PLRG1: variants seen among roughly 807,000 people sequenced by gnomAD.
PLRG1 encodes the protein pleiotropic regulator 1 (PRL1 homolog, Arabidopsis).
PLRG1 carries 28 observed loss-of-function variants against 74.9 expected under a neutral mutation model. That is an observed-to-expected ratio of 0.37 (90% CI 0.28 to 0.51). The LOEUF (loss-of-function observed/expected upper bound fraction) is 0.51, where lower values mean the gene tolerates loss of function less well. Ranked by LOEUF, PLRG1 falls within the 20% of genes least tolerant of loss-of-function variation. The pLI is 0.91. For missense variants in PLRG1, 445 were observed against 631.9 expected, an observed-to-expected ratio of 0.70 and a Z score of 3.17; for synonymous variants, 197 against 212.4, an observed-to-expected ratio of 0.93 and a Z score of 0.63.
At chr4:154,546,923 A>G in intron 4 of PLRG1, 88 bp downstream of exon 4, 1 of 986,376 alleles carries the variant, frequency 1.0e-6, no homozygotes, top group Non-Finnish European at 1.6e-6. Flanking sequence ...CTTGCATTTT[A>G]TAGGCAACAA....
intron 12 of PLRG1, among the ~76,000 whole-genome samples, chr4:154,538,515 G>C (rs928913228): frequency 1.8e-4 from 28 of 151,816 alleles, no homozygotes; most frequent in South Asian, 1.2e-3. Context: ...GGAGGGAGGA[G>C]AGGCGAAATG....
intron 12 of PLRG1, among the ~76,000 whole-genome samples, chr4:154,538,796 T>C (rs1205592156): frequency 6.6e-6 from 1 of 152,146 alleles, no homozygotes; most frequent in Non-Finnish European, 1.5e-5. Flanking sequence ...CCAAAATCAT[T>C]TATGTCCAAA....
intron 13 of PLRG1, 109 bp from the exon 14 acceptor site, chr4:154,537,588 TA>T (rs555699193): frequency 1.8e-5 from 13 of 704,094 alleles, no homozygotes; most frequent in Non-Finnish European, 3.0e-5. Flanking sequence ...GTTATAAAAA[TA>T]CATAAGACAC....
chr4:154,540,397 A>G (rs1729534068), intron 10 of PLRG1, 197 bp downstream of exon 10: 2 of 596,708 alleles, frequency 3.4e-6, no homozygotes, highest in Admixed American at 6.1e-5. Flanking sequence ...CACTAATAAC[A>G]CTAACATGGT....
chr4:154,536,919 AGATG>A (rs140979685), intron 14 of PLRG1, among the ~76,000 whole-genome samples, 175 bp from the exon 15 acceptor site: 2,130 of 148,824 alleles, frequency 0.014, 46 homozygotes, highest in African/African-American at 0.052. Flanking sequence ...GTCTAATAAC[AGATG>A]GATGGATTCA....
At chr4:154,542,762 T>G (rs1025215734) in intron 7 of PLRG1, among the ~76,000 whole-genome samples, 1 of 152,144 alleles carries the variant, frequency 6.6e-6, no homozygotes, top group Non-Finnish European at 1.5e-5. Context: ...GATACTATGT[T>G]AAGTGAAATA....
intron 11 of PLRG1, 46 bp downstream of exon 11, chr4:154,539,905 G>T (rs1351937856): frequency 1.1e-6 from 1 of 894,692 alleles, no homozygotes; most frequent in East Asian, 2.4e-5. Context: ...TAATAACATG[G>T]ATTCTGACAT....
Position 154,542,183 on chromosome 4 carries a change from T to C in PLRG1, c.687+4A>G. On this transcript the variant is annotated splice_donor_region_variant and intron_variant, in intron 8 of 14. Coordinates refer to ENST00000499023, the MANE Select transcript of PLRG1 (RefSeq NM_002669.4). ...ATGTTTATTTTTTCTTCCTTCATTATTACCTTTATAGTTCTGTCAGCAGAT... is the reference window on the plus strand; with the variant it reads ...ATGTTTATTTTTTCTTCCTTCATTACTACCTTTATAGTTCTGTCAGCAGAT... 2 of 1,527,010 alleles carry C rather than the reference T, an allele frequency of 1.3e-6. No individual in the cohort carries two copies. The highest frequency in any genetic ancestry group is 9.1e-7 in the Non-Finnish European group (1 of 1,100,514). The allele number at this position is 1,527,010 out of a possible 1,614,324, so 94.6% of individuals were successfully genotyped here.
At position 154,535,102 on chromosome 4, in the gene PLRG1, A is replaced by G. The variant is rs569788732; in HGVS notation, c.*1583T>C. ...TAAAGCCACCCATGAAAGTTCTTCC[A>G]TAATTCTGCTTCCTAACAAAGCCAC... is the stretch of plus-strand genomic sequence containing the variant. On this transcript the variant is annotated 3_prime_UTR_variant, in exon 15 of 15. Coordinates refer to ENST00000499023, the MANE Select transcript of PLRG1 (RefSeq NM_002669.4). 20 of 152,246 alleles carry G rather than the reference A, an allele frequency of 1.3e-4. No homozygotes were observed. The highest frequency in any genetic ancestry group is 3.1e-4 in the African/African-American group (13 of 41,562). 9.4% of individuals were successfully genotyped at this position (152,246 alleles called of 1,614,324 possible).
At chr4:154,538,129 A>C (rs761113515) in intron 12 of PLRG1, 21 bp from the exon 13 acceptor site, 2 of 1,340,704 alleles carry the variant, frequency 1.5e-6, no homozygotes, top group Non-Finnish European at 2.0e-6. Flanking sequence ...ATTAAAAAGA[A>C]TTAACGACAA....
Position 154,544,352 on chromosome 4 carries a change from T to C in PLRG1, c.594+93A>G, listed in dbSNP as rs1020273746. On this transcript the variant is annotated intron_variant, in intron 7 of 14. Transcript: ENST00000499023. ...CAGATCGCTCTACCAGCTTTTCATATTCACTCTTTTTCCTCCTTATTCTAT... is the reference window on the plus strand; with the variant it reads ...CAGATCGCTCTACCAGCTTTTCATACTCACTCTTTTTCCTCCTTATTCTAT... 3.8e-5 allele frequency: 29 copies of C among 759,106 alleles called. No individual in the cohort carries two copies. In the African/African-American group the frequency reaches 5.0e-4, roughly 13 times the overall value. The allele number at this position is 759,106 out of a possible 1,614,324, so 47.0% of individuals were successfully genotyped here.
intron 11 of PLRG1, among the ~76,000 whole-genome samples, chr4:154,539,621 C>G (rs1160858962): frequency 1.3e-5 from 2 of 151,972 alleles, no homozygotes; most frequent in African/African-American, 4.8e-5. Context: ...CTAAAGATTA[C>G]TAGTCTCAAG....
At chr4:154,543,208 C>T (rs1337887717) in intron 7 of PLRG1, among the ~76,000 whole-genome samples, 1 of 152,082 alleles carries the variant, frequency 6.6e-6, no homozygotes. Flanking sequence ...AGTGCAGTGG[C>T]GTGATCTTGG....
At position 154,547,756 on chromosome 4, in the gene PLRG1, T is replaced by C; in HGVS notation, c.214A>G (p.Asn72Asp). ...TTATGAACATATGAATCCGTTGCATTCTGAGGACCCTTCTCTTTAAGATTT... is the reference window on the plus strand; with the variant it reads ...TTATGAACATATGAATCCGTTGCATCCTGAGGACCCTTCTCTTTAAGATTT... ...KENLKEKGPQ[N>D]ATDSYVHKQY... The change falls in exon 3 of 15, where the codon AAT becomes GAT. Residue 72 changes from asparagine to aspartate, a missense_variant. By Grantham distance (23) the Asn-to-Asp change is conservative. This residue lies in a region of PLRG1 where 206 missense variants were observed against 210.8 expected (regional missense o/e 0.98). Coordinates refer to ENST00000499023, the MANE Select transcript of PLRG1 (RefSeq NM_002669.4). 6.2e-7 allele frequency: 1 copy of C among 1,613,148 alleles called. No individual in the cohort carries two copies. Among genetic ancestry groups the C allele is most frequent in the East Asian group, 2.2e-5 (1 of 44,854 alleles).
chr4:154,539,198 G>T lies in PLRG1; in HGVS notation c.1058C>A (p.Thr353Lys). 6.2e-7 allele frequency: 1 copy of T among 1,602,148 alleles called. No homozygotes were observed. The highest frequency in any genetic ancestry group is 8.6e-7 in the Non-Finnish European group (1 of 1,169,260). The change falls in exon 12 of 15, where the codon ACA becomes AAA. Residue 353 changes from threonine (T) to lysine (K), a missense_variant. Transcript: ENST00000499023. ...AGCCACCAGATCCCATAATCGAATT[G>T]TAGTATCATGGCTTCCTGTAATGGA... Reference protein sequence around the residue: ...PQIITGSHDTTIRLWDLVAGK... With the variant: ...PQIITGSHDTKIRLWDLVAGK...
intron 6 of PLRG1, 34 bp downstream of exon 6, chr4:154,545,802 T>A (rs999098028): frequency 5.3e-6 from 7 of 1,311,168 alleles, no homozygotes; most frequent in Non-Finnish European, 7.6e-6. Flanking sequence ...GTTCCAAAAG[T>A]TAGAAACCTG....
At chr4:154,546,354 T>C (rs1187287642) in intron 4 of PLRG1, 141 bp from the exon 5 acceptor site, 10 of 605,714 alleles carry the variant, frequency 1.7e-5, no homozygotes, top group Non-Finnish European at 3.0e-5. Context: ...GATTAAGTTT[T>C]GCTCATCTTT....
Position 154,545,865 on chromosome 4 carries a change from CAGA to C in PLRG1, c.460_462del (p.Ser154del). 6.2e-7 allele frequency: 1 copy of C among 1,612,430 alleles called. No individual in the cohort carries two copies. Among genetic ancestry groups the C allele is most frequent in the Non-Finnish European group, 8.5e-7 (1 of 1,178,660 alleles). On this transcript the variant is annotated inframe_deletion, in exon 6 of 15. Transcript: ENST00000499023. ...TTCATCGCTGTAGGCTGTGGACGGTCAGAAGCCCCAGGATGTCGGTATTCACTT... is the reference window on the plus strand; with the variant it reads ...TTCATCGCTGTAGGCTGTGGACGGTCAGCCCCAGGATGTCGGTATTCACTT...
chr4:154,542,739 G>A (rs1164921286), intron 7 of PLRG1, among the ~76,000 whole-genome samples: 1 of 152,214 alleles, frequency 6.6e-6, no homozygotes, highest in Non-Finnish European at 1.5e-5. Flanking sequence ...CAACAACATG[G>A]ATGGAACTGG....
Sources: gnomAD v4.1 joint callset for allele counts (sites outside exome capture counted in the v4.1 genomes callset) on GRCh38, gnomAD v4.1.1 for gene constraint, gnomAD v4.1.1 regional missense constraint, MANE v1.5 for transcripts, NCBI Gene and HGNC (gene_info 2026-07-23, HGNC 2026-07-21) for gene names.